CHSY3: variants seen among roughly 807,000 people sequenced by gnomAD.
CHSY3 encodes chondroitin sulfate synthase 3, also known as N-acetylgalactosaminyl-proteoglycan 3-beta-glucuronosyltransferase 3.
In CHSY3, 35 loss-of-function variants were observed where a neutral mutation model predicts 67.2. The ratio of observed to expected loss-of-function variants is 0.52; its 90% CI spans 0.40 to 0.69. CHSY3 has a LOEUF of 0.69. Among genes scored for constraint, CHSY3 ranks in the 30% least tolerant of loss-of-function variants. The probability of loss-of-function intolerance (pLI) is 0.00; values close to 1 mark genes in which losing one functional copy is unlikely to be tolerated. For synonymous variants in CHSY3, 474 were observed against 434.7 expected (o/e 1.09, Z -1.12); for missense variants, 1,069 against 1,138.5 (o/e 0.94, Z 0.88).
At chr5:129,950,323 T>A (rs1355266302) in intron 2 of CHSY3, among the ~76,000 whole-genome samples, 1 of 152,084 alleles carries the variant, frequency 6.6e-6, no homozygotes, top group Non-Finnish European at 1.5e-5. Context: ...CCATCATACA[T>A]AATAGTGAAA....
chr5:129,962,922 C>T (rs1431126089), intron 2 of CHSY3, among the ~76,000 whole-genome samples: 1 of 151,924 alleles, frequency 6.6e-6, no homozygotes, highest in Non-Finnish European at 1.5e-5. Context: ...ATTGATAGCC[C>T]ATTCTGGAAC....
At chr5:130,153,553 A>T (rs1769286997) in intron 2 of CHSY3, among the ~76,000 whole-genome samples, 1 of 151,816 alleles carries the variant, frequency 6.6e-6, no homozygotes, top group Non-Finnish European at 1.5e-5. Flanking sequence ...GCCTTTTTTC[A>T]TTGCTCCAAC....
rs780877726 is a variant in CHSY3 at position 130,185,026 on chromosome 5, C to T, written c.1884C>T (p.Ile628=). Residue 628 remains isoleucine (I), a synonymous_variant, in exon 3 of 3, where the codon ATC becomes ATT. Transcript: ENST00000305031. ...AAGTACACATTCTCGTTCCTCTCATCGGAAGGTATGACATTTTCTTGAGAT... is the reference window on the plus strand; with the variant it reads ...AAGTACACATTCTCGTTCCTCTCATTGGAAGGTATGACATTTTCTTGAGAT... The part of the protein sequence containing the change: ...EKKVHILVPL[I]GRYDIFLRFM... 19 of 1,580,172 alleles carry T rather than the reference C, an allele frequency of 1.2e-5. 1 individual carries two copies. The highest frequency in any genetic ancestry group is 1.2e-4 in the Admixed American group (7 of 59,948).
At chr5:129,933,263 A>G (rs1761376787) in intron 2 of CHSY3, among the ~76,000 whole-genome samples, 1 of 152,134 alleles carries the variant, frequency 6.6e-6, no homozygotes, top group African/African-American at 2.4e-5. Context: ...TCCATCCATT[A>G]AAAGTAAAAT....
chr5:130,040,600 T>C (rs1027167695), intron 2 of CHSY3, among the ~76,000 whole-genome samples: 1 of 152,106 alleles, frequency 6.6e-6, no homozygotes, highest in Non-Finnish European at 1.5e-5. Context: ...CAATATTATG[T>C]CATGTACAGC....
intron 2 of CHSY3, among the ~76,000 whole-genome samples, chr5:130,065,564 T>G (rs777754491): frequency 6.6e-6 from 1 of 152,070 alleles, no homozygotes; most frequent in South Asian, 2.1e-4. Flanking sequence ...CTTGGGTGAA[T>G]CTGAGAAACT....
At chr5:130,031,490 G>A (rs1764702524) in intron 2 of CHSY3, among the ~76,000 whole-genome samples, 1 of 151,986 alleles carries the variant, frequency 6.6e-6, no homozygotes, top group African/African-American at 2.4e-5. Context: ...AAGATGGGTG[G>A]GTATTTGTTT....
At chr5:130,022,907 T>A (rs1402312626) in intron 2 of CHSY3, among the ~76,000 whole-genome samples, 1 of 151,956 alleles carries the variant, frequency 6.6e-6, no homozygotes, top group Non-Finnish European at 1.5e-5. Context: ...AATGTGAAAT[T>A]TAATTCACCT....
chr5:130,185,206 G>C lies in CHSY3; in HGVS notation c.2064G>C (p.Leu688=), dbSNP rs531043985. 1.9e-6 allele frequency: 3 copies of C among 1,609,912 alleles called. No individual in the cohort carries two copies. The East Asian group carries it at 6.7e-5, about 36-fold the overall frequency. ...QNKYPKAEMT[L]IPMKGEFSRG... Reference sequence around the variant, plus strand: ...AGTACCCCAAAGCAGAAATGACCCTGATCCCAATGAAGGGAGAGTTTTCCA... The same window carrying C: ...AGTACCCCAAAGCAGAAATGACCCTCATCCCAATGAAGGGAGAGTTTTCCA... Residue 688 remains leucine (L), a synonymous_variant, in exon 3 of 3, where the codon CTG becomes CTC. Coordinates refer to ENST00000305031, the MANE Select transcript of CHSY3 (RefSeq NM_175856.5).
chr5:129,961,671 C>T (rs1314716074), intron 2 of CHSY3, among the ~76,000 whole-genome samples: 1 of 151,926 alleles, frequency 6.6e-6, no homozygotes, highest in Non-Finnish European at 1.5e-5. Flanking sequence ...ACGATTCCCT[C>T]CTTTTCTCTC....
At position 129,964,032 on chromosome 5, in the gene CHSY3, G is replaced by T. The variant is rs1360389899; in HGVS notation, c.1086+55672G>T. On this transcript the variant is annotated intron_variant, in intron 2 of 2. Transcript: ENST00000305031. ...CACTGTTTAGGATGGTATATTGCCA[G>T]TCAGAAACAGATACAGTGGGCAACC... Among the ~76,000 whole-genome samples, 3 of 151,930 alleles carry T rather than the reference G, an allele frequency of 2.0e-5. No individual in the cohort carries two copies. The East Asian group carries it at 5.8e-4, about 30-fold the overall frequency.
At chr5:130,178,503 C>T (rs568601163) in intron 2 of CHSY3, among the ~76,000 whole-genome samples, 1 of 151,882 alleles carries the variant, frequency 6.6e-6, no homozygotes, top group African/African-American at 2.4e-5. Flanking sequence ...CCGCCCGTCT[C>T]GGCCTCCGAA....
intron 2 of CHSY3, among the ~76,000 whole-genome samples, chr5:130,118,136 G>A (rs1466243293): frequency 1.3e-5 from 2 of 152,136 alleles, no homozygotes; most frequent in Admixed American, 6.5e-5. Context: ...ACTAGGAGCA[G>A]CTGCCAGCAC....
chr5:130,126,911 A>G (rs1768310978), intron 2 of CHSY3, among the ~76,000 whole-genome samples: 1 of 152,100 alleles, frequency 6.6e-6, no homozygotes, highest in African/African-American at 2.4e-5. Context: ...CTGACTCTGA[A>G]CAGATGCAGG....
chr5:130,058,795 A>C (rs191428193), intron 2 of CHSY3, among the ~76,000 whole-genome samples: 1 of 152,342 alleles, frequency 6.6e-6, no homozygotes, highest in East Asian at 1.9e-4. Context: ...AGACGTCTGA[A>C]AGCAAGGTGT....
chr5:130,020,442 TATATA>T, intron 2 of CHSY3, among the ~76,000 whole-genome samples: 1 of 54,728 alleles, frequency 1.8e-5, no homozygotes, highest in Non-Finnish European at 3.2e-5. Context: ...TATATATATA[TATATA>T]TATATATATA....
At chr5:130,170,832 T>C (rs1271001676) in intron 2 of CHSY3, among the ~76,000 whole-genome samples, 2 of 72,300 alleles carry the variant, frequency 2.8e-5, no homozygotes, top group Non-Finnish European at 6.9e-5. Flanking sequence ...TTAATCAAGT[T>C]TTTTTTTTTC....
intron 2 of CHSY3, among the ~76,000 whole-genome samples, chr5:130,050,341 C>A (rs568392110): frequency 1.3e-5 from 2 of 152,166 alleles, no homozygotes; most frequent in Admixed American, 1.3e-4. Flanking sequence ...TTTGTGGTAT[C>A]TTTAAGCAAT....
chr5:130,071,250 T>C (rs930166210), intron 2 of CHSY3, among the ~76,000 whole-genome samples: 1 of 152,052 alleles, frequency 6.6e-6, no homozygotes, highest in African/African-American at 2.4e-5. Context: ...TAACCATGTA[T>C]AAGAGAGAAC....
Sources: gnomAD v4.1 joint callset for allele counts (sites outside exome capture counted in the v4.1 genomes callset) on GRCh38, gnomAD v4.1.1 for gene constraint, MANE v1.5 for transcripts, NCBI Gene and HGNC (gene_info 2026-07-23, HGNC 2026-07-21) for gene names.